The following CCDC141 variants were observed in gnomAD, a reference collection of about 807,000 sequenced individuals.
CCDC141 encodes the protein coiled-coil domain containing 141, also known as coiled-coil domain-containing protein 141.
In CCDC141, 168 loss-of-function variants were observed where a neutral mutation model predicts 181.0. That is an observed-to-expected ratio of 0.93 (90% CI 0.82 to 1.05). The LOEUF (loss-of-function observed/expected upper bound fraction) is 1.05. CCDC141 is among the 50% of genes least tolerant of loss of function. The pLI is 0.00. For missense variants in CCDC141, 1,902 were observed against 1,788.5 expected, an observed-to-expected ratio of 1.06 and a Z score of -1.14; for synonymous variants, 666 against 642.3, an observed-to-expected ratio of 1.04 and a Z score of -0.56.
At chr2:178,998,911 T>C (rs964329025) in intron 2 of CCDC141, among the ~76,000 whole-genome samples, 10 of 152,158 alleles carry the variant, frequency 6.6e-5, no homozygotes, top group Middle Eastern at 3.2e-3. Context: ...TAAATACACA[T>C]TAATATTAAA....
At chr2:178,888,478 C>A (rs769923409) in intron 9 of CCDC141, 49 bp downstream of exon 9, 1 of 1,519,992 alleles carries the variant, frequency 6.6e-7, no homozygotes, top group Non-Finnish European at 8.9e-7. Flanking sequence ...CCTACCATAT[C>A]ATCTATTATC....
chr2:179,046,256 A>T (rs1238865549), intron 2 of CCDC141, among the ~76,000 whole-genome samples: 1 of 152,248 alleles, frequency 6.6e-6, no homozygotes, highest in African/African-American at 2.4e-5. Flanking sequence ...TGGCTCCCTC[A>T]GAGGTTCCTC....
At chr2:178,916,215 C>T (rs182126978) in intron 7 of CCDC141, among the ~76,000 whole-genome samples, 15 of 152,118 alleles carry the variant, frequency 9.9e-5, no homozygotes, top group Admixed American at 4.6e-4. Flanking sequence ...TTCAGTGTTT[C>T]GGAGATAATT....
Position 178,872,234 on chromosome 2 carries a change from G to T in CCDC141, c.1978C>A (p.Arg660=), listed in dbSNP as rs1402528193. Residue 660 remains arginine, a synonymous_variant, in exon 13 of 24, where the codon CGG becomes AGG. Coordinates refer to ENST00000443758, the MANE Select transcript of CCDC141 (RefSeq NM_173648.4). The stretch of plus-strand genomic sequence containing the variant: ...AGCCGAAGGAGGCTAAGTTCTTCCC[G>T]TTCTGCTTTCTGGTTTTCCATGGTG... ...KNTMENQKAE[R]EELSLLRLAW... is the part of the protein sequence containing the mutation. The T allele has an allele frequency of 6.2e-7, 1 of 1,613,916 alleles. No individual in the cohort carries two copies. The highest frequency in any genetic ancestry group is 2.2e-5 in the East Asian group (1 of 44,848).
chr2:178,922,178 T>C (rs1386152609), intron 6 of CCDC141, among the ~76,000 whole-genome samples: 1 of 152,232 alleles, frequency 6.6e-6, no homozygotes, highest in African/African-American at 2.4e-5. Context: ...TTGATTTTTC[T>C]TTCTGTATGT....
intron 6 of CCDC141, among the ~76,000 whole-genome samples, chr2:178,919,235 T>C (rs1005771932): frequency 6.6e-6 from 1 of 152,244 alleles, no homozygotes; most frequent in Non-Finnish European, 1.5e-5. Flanking sequence ...ATTCAGTCTA[T>C]GTTACTTTGT....
At chr2:178,933,792 T>C (rs1027363634) in intron 6 of CCDC141, among the ~76,000 whole-genome samples, 2 of 152,140 alleles carry the variant, frequency 1.3e-5, no homozygotes, top group Non-Finnish European at 2.9e-5. Flanking sequence ...ATAATGTGAA[T>C]GAGTGAAGCA....
At chr2:178,827,712 A>G, downstream of CCDC141, among the ~76,000 whole-genome samples, 1 of 152,106 alleles carries the variant, frequency 6.6e-6, no homozygotes, top group Non-Finnish European at 1.5e-5. Flanking sequence ...GTGTCTAGCA[A>G]TGGTCTCTGG....
At chr2:178,860,543 CTTTTTTT>C (rs71023458) in intron 17 of CCDC141, among the ~76,000 whole-genome samples, 14 of 51,354 alleles carry the variant, frequency 2.7e-4, no homozygotes, top group East Asian at 1.5e-3. Context: ...AAAAACAACA[CTTTTTTT>C]TTTTTTTTTT....
At chr2:178,948,582 T>C (rs912894801) in intron 5 of CCDC141, among the ~76,000 whole-genome samples, 2 of 152,170 alleles carry the variant, frequency 1.3e-5, no homozygotes, top group Admixed American at 6.5e-5. Context: ...CTAAACCCTA[T>C]GCTGAAATTT....
At chr2:179,015,162 A>G (rs1311233561) in intron 2 of CCDC141, among the ~76,000 whole-genome samples, 10 of 133,364 alleles carry the variant, frequency 7.5e-5, no homozygotes, top group Non-Finnish European at 1.4e-4. Context: ...TCTCATATAC[A>G]TCTCATATAT....
rs143132927 is a variant in CCDC141, at chr2:178,875,864, A to G, written c.1899+2100T>C. ...AATCAGAAACATACATCATCAACAGATGGGAGAAGACTGATTGAACCACGT... is the reference window on the plus strand; with the variant it reads ...AATCAGAAACATACATCATCAACAGGTGGGAGAAGACTGATTGAACCACGT... On this transcript the variant is annotated intron_variant, in intron 12 of 23. Transcript: ENST00000443758. 5 of 152,324 alleles carry G rather than the reference A, an allele frequency of 3.3e-5. No homozygotes were observed. In the East Asian group the frequency reaches 7.7e-4, roughly 24 times the overall value. The allele number at this position is 152,324 out of a possible 1,614,324, so 9.4% of individuals were successfully genotyped here.
At chr2:178,917,580 C>T (rs543199432) in intron 7 of CCDC141, among the ~76,000 whole-genome samples, 3 of 152,202 alleles carry the variant, frequency 2.0e-5, no homozygotes, top group South Asian at 2.1e-4. Context: ...CCACATTGTC[C>T]GTTTTGAAAA....
rs1032368922 is a variant in CCDC141 at position 178,921,493 on chromosome 2, A to G, written c.898-2586T>C. Among the ~76,000 whole-genome samples the G allele has an allele frequency of 2.6e-4, 39 of 152,222 alleles. 1 individual carries two copies. On this transcript the variant is annotated intron_variant, in intron 6 of 23. Coordinates refer to ENST00000443758, the MANE Select transcript of CCDC141 (RefSeq NM_173648.4). ...CCCAAAATGTTATTGATTAGTGTTA[A>G]GTATTGAACAGTCTTATGAGATGAA...
chr2:178,872,508 G>A (rs778110591), intron 12 of CCDC141, among the ~76,000 whole-genome samples, 196 bp from the exon 13 acceptor site: 2 of 152,136 alleles, frequency 1.3e-5, no homozygotes, highest in African/African-American at 2.4e-5. Context: ...TAGACATCCG[G>A]TCCCGAGTTC....
At chr2:178,850,665 C>G (rs1164840129) in intron 20 of CCDC141, among the ~76,000 whole-genome samples, 1 of 152,168 alleles carries the variant, frequency 6.6e-6, no homozygotes, top group African/African-American at 2.4e-5. Context: ...TGTCCCTCCA[C>G]TCTCAATTTC....
intron 4 of CCDC141, among the ~76,000 whole-genome samples, chr2:178,964,280 A>G (rs1690524616): frequency 6.6e-6 from 1 of 152,160 alleles, no homozygotes; most frequent in Non-Finnish European, 1.5e-5. Flanking sequence ...ACACACACAT[A>G]CAGCCCACAC....
intron 7 of CCDC141, among the ~76,000 whole-genome samples, chr2:178,914,979 T>C (rs1199109244): frequency 6.6e-6 from 1 of 151,856 alleles, no homozygotes; most frequent in African/African-American, 2.4e-5. Flanking sequence ...GCCCAGGAGC[T>C]CAAGACAAGC....
chr2:178,828,627 G>A (rs73040350), downstream of CCDC141, among the ~76,000 whole-genome samples: 2,601 of 152,212 alleles, frequency 0.017, 57 homozygotes, highest in African/African-American at 0.059. Context: ...GGAGCAAATG[G>A]GCATATTCCC....
Sources: allele counts gnomAD v4.1 joint callset (sites outside exome capture counted in the v4.1 genomes callset), GRCh38; gene constraint gnomAD v4.1.1; transcripts MANE v1.5; gene names NCBI Gene and HGNC (gene_info 2026-07-23, HGNC 2026-07-21).